The following FGF23 variants were observed in gnomAD, a reference collection of about 807,000 sequenced individuals.
FGF23 encodes fibroblast growth factor 23.
In FGF23, 8 loss-of-function variants were observed where a neutral mutation model predicts 9.0. The observed-to-expected ratio is 0.89, with a 90% CI of 0.52 to 1.60. The LOEUF (loss-of-function observed/expected upper bound fraction) is 1.60. FGF23 is among the 40% of genes most tolerant of loss of function. FGF23 has a pLI of 0.00. For missense variants in FGF23, 311 were observed against 344.3 expected (o/e 0.90, Z 0.77); for synonymous variants, 118 against 146.2 (o/e 0.81, Z 1.39).
chr12:4,376,165 G>C (rs541690459), intron 1 of FGF23, among the ~76,000 whole-genome samples: 5 of 152,290 alleles, frequency 3.3e-5, no homozygotes, highest in South Asian at 4.1e-4. Flanking sequence ...GGATGGCCTT[G>C]TTCATGGAAC....
chr12:4,376,738 C>T (rs13312762), intron 1 of FGF23, among the ~76,000 whole-genome samples: 7,262 of 152,226 alleles, frequency 0.048, 420 homozygotes, highest in East Asian at 0.25. Flanking sequence ...AGACTGGTCT[C>T]GAACCCCTGA....
intron 1 of FGF23, among the ~76,000 whole-genome samples, chr12:4,376,003 G>A (rs1467390308): frequency 1.3e-5 from 2 of 152,222 alleles, no homozygotes; most frequent in African/African-American, 4.8e-5. Flanking sequence ...AAAGGCTGAA[G>A]GAGCTCAGCG....
intron 1 of FGF23, among the ~76,000 whole-genome samples, chr12:4,376,896 T>C (rs1268982662): frequency 6.6e-6 from 1 of 152,132 alleles, no homozygotes; most frequent in African/African-American, 2.4e-5. Context: ...TGACAACTCA[T>C]TGAACAGTAC....
intron 1 of FGF23, among the ~76,000 whole-genome samples, chr12:4,377,120 A>G (rs900664312): frequency 6.6e-6 from 1 of 152,178 alleles, no homozygotes; most frequent in Admixed American, 6.5e-5. Flanking sequence ...CACTCTAACT[A>G]GCACTCAGTG....
chr12:4,372,245 G>T (rs956594310), intron 2 of FGF23, among the ~76,000 whole-genome samples: 1 of 150,832 alleles, frequency 6.6e-6, no homozygotes, highest in East Asian at 2.0e-4. Flanking sequence ...GTTAGTGGGT[G>T]CAGCACACCA....
intron 2 of FGF23, among the ~76,000 whole-genome samples, chr12:4,371,371 A>G (rs1047609107): frequency 2.0e-5 from 3 of 152,220 alleles, no homozygotes; most frequent in African/African-American, 7.2e-5. Flanking sequence ...TAGAGGGGTT[A>G]ACGGATGTTT....
intron 2 of FGF23, among the ~76,000 whole-genome samples, chr12:4,372,003 A>T (rs976332589): frequency 3.3e-5 from 5 of 151,960 alleles, no homozygotes; most frequent in Admixed American, 3.3e-4. Flanking sequence ...GCCATAAAAA[A>T]TGATGAGTTC....
Position 4,370,152 on chromosome 12 carries a change from G to A in FGF23, c.*191C>T, listed in dbSNP as rs1043719442. The A allele has an allele frequency of 3.3e-6, 2 of 607,498 alleles. No homozygotes were observed. Among genetic ancestry groups the A allele is most frequent in the East Asian group, 2.8e-5 (1 of 36,218 alleles). 37.6% of individuals were successfully genotyped at this position (607,498 alleles called of 1,614,324 possible). A position where few individuals can be genotyped will look rare whatever the true frequency, so the allele number is the denominator to read the frequency against. On this transcript the variant is annotated 3_prime_UTR_variant, in exon 3 of 3. Transcript: ENST00000237837. ...TGTTCTATATGGAGTGAGGAAGGCG[G>A]TGAAACCCCATGACTTGGGCCTCAA...
chr12:4,372,974 A>G (rs909294698), intron 1 of FGF23, among the ~76,000 whole-genome samples: 1 of 152,136 alleles, frequency 6.6e-6, no homozygotes, highest in African/African-American at 2.4e-5. Context: ...TGTGCTGAAC[A>G]CATGTTTCTC....
At chr12:4,376,292 T>G (rs531466552) in intron 1 of FGF23, among the ~76,000 whole-genome samples, 4 of 152,248 alleles carry the variant, frequency 2.6e-5, no homozygotes, top group Admixed American at 2.6e-4. Flanking sequence ...GACCCAAAGA[T>G]GGGTTGTGCA....
chr12:4,377,522 C>A (rs1421812081), intron 1 of FGF23, among the ~76,000 whole-genome samples: 3 of 146,676 alleles, frequency 2.0e-5, no homozygotes, highest in Admixed American at 6.9e-5. Flanking sequence ...GCTCTGCCTC[C>A]CGGGTTCACG....
intron 1 of FGF23, among the ~76,000 whole-genome samples, chr12:4,377,709 C>T (rs1232269688): frequency 1.0e-4 from 7 of 66,966 alleles, no homozygotes; most frequent in Non-Finnish European, 1.6e-4. Context: ...GGATTACAGG[C>T]GTGAGCCACC....
At position 4,370,539 on chromosome 12, in the gene FGF23, C is replaced by T. The variant is rs754327706; in HGVS notation, c.560G>A (p.Arg187Gln). Residue 187 changes from arginine to glutamine, a missense_variant, in exon 3 of 3, where the codon CGG becomes CAG. By Grantham distance (43) the Arg-to-Gln change is conservative (BLOSUM62 1). Coordinates refer to ENST00000237837, the MANE Select transcript of FGF23 (RefSeq NM_020638.3). The stretch of plus-strand genomic sequence containing the variant: ...GGGCTTCAGCACGTTCAGGGGGTCC[C>T]GCTCCGAGTCGTCCTCGGCGCTCCG... ...HTRSAEDDSE[R>Q]DPLNVLKPRA... is the part of the protein sequence containing the mutation. 3 of 1,613,064 alleles carry T rather than the reference C, an allele frequency of 1.9e-6. No individual in the cohort carries two copies. Among genetic ancestry groups the T allele is most frequent in the Non-Finnish European group, 2.5e-6 (3 of 1,179,400 alleles).
chr12:4,374,228 C>T (rs186359070), intron 1 of FGF23, among the ~76,000 whole-genome samples: 1 of 152,174 alleles, frequency 6.6e-6, no homozygotes, highest in Admixed American at 6.5e-5. Flanking sequence ...GAAAGCTTCC[C>T]AGAAAGTGGA....
intron 1 of FGF23, among the ~76,000 whole-genome samples, chr12:4,378,058 C>G (rs914774789): frequency 6.6e-6 from 1 of 152,142 alleles, no homozygotes; most frequent in African/African-American, 2.4e-5. Context: ...GTTCTGGAAC[C>G]TGTTTGGTAT....
intron 1 of FGF23, among the ~76,000 whole-genome samples, chr12:4,375,295 G>T (rs1286014010): frequency 2.0e-5 from 3 of 152,214 alleles, no homozygotes; most frequent in Non-Finnish European, 4.4e-5. Flanking sequence ...CTTGGGGTCA[G>T]TGTGGGCAGT....
In FGF23 at chr12:4,379,628, T is replaced by A. The variant is rs759380521; in HGVS notation, c.-46A>T. The stretch of plus-strand genomic sequence containing the variant: ...TGGTGCTGAGATTGAAACCTGACAC[T>A]CCTGTCGGGACTCTCCTGGCCCAGG... On this transcript the variant is annotated 5_prime_UTR_variant, in exon 1 of 3. Coordinates refer to ENST00000237837, the MANE Select transcript of FGF23 (RefSeq NM_020638.3). 16 of 1,495,822 alleles carry A rather than the reference T, an allele frequency of 1.1e-5. No homozygotes were observed. The highest frequency in any genetic ancestry group is 2.3e-4 in the Middle Eastern group (1 of 4,292). 92.7% of individuals were successfully genotyped at this position (1,495,822 alleles called of 1,614,324 possible).
In FGF23 at chr12:4,370,496, C is replaced by T. The variant is rs749949273; in HGVS notation, c.603G>A (p.Pro201=). 9 of 1,610,876 alleles carry T rather than the reference C, an allele frequency of 5.6e-6. No homozygotes were observed. In the South Asian group the frequency reaches 8.8e-5, roughly 16 times the overall value. ...GCTCCTGTGAACAGGAGGCCGGGGC[C>T]GGGGTCATCCGGGCCCGGGGCTTCA... ...NVLKPRARMT[P]APASCSQELP... Residue 201 remains proline, a synonymous_variant, in exon 3 of 3, where the codon CCG becomes CCA. Transcript: ENST00000237837.
Position 4,369,014 on chromosome 12 carries a change from A to C in FGF23, c.*1329T>G, listed in dbSNP as rs1372573884. 1 of 227,608 alleles carries C rather than the reference A, an allele frequency of 4.4e-6. No individual in the cohort carries two copies. The highest frequency in any genetic ancestry group is 2.2e-5 in the African/African-American group (1 of 45,018). The allele number at this position is 227,608 out of a possible 1,614,324, so 14.1% of individuals were successfully genotyped here. A position where few individuals can be genotyped will look rare whatever the true frequency, so the allele number is the denominator to read the frequency against. ...TTAATATACTGTCCTTTAGGTGGTC[A>C]TTTAAAGAGAGGGAGGAAAATGGAG... On this transcript the variant is annotated 3_prime_UTR_variant, in exon 3 of 3. Transcript: ENST00000237837.
Sources: allele counts gnomAD v4.1 joint callset (sites outside exome capture counted in the v4.1 genomes callset), GRCh38; gene constraint gnomAD v4.1.1; transcripts MANE v1.5; gene names NCBI Gene and HGNC (gene_info 2026-07-23, HGNC 2026-07-21).